TSNARE1: variants seen among roughly 807,000 people sequenced by gnomAD.
TSNARE1 encodes t-SNARE domain containing 1, also known as t-SNARE domain-containing protein 1.
Under a neutral mutation model 62.0 loss-of-function variants are expected in TSNARE1, and 49 were observed. That is an observed-to-expected ratio of 0.79 (90% confidence interval 0.63 to 1.00). The LOEUF (loss-of-function observed/expected upper bound fraction) is 1.00, where lower values mean the gene tolerates loss of function less well. Among genes scored for constraint, TSNARE1 ranks in the 50% least tolerant of loss-of-function variants. TSNARE1 has a pLI of 0.00. For synonymous variants in TSNARE1, 328 were observed against 294.4 expected, an observed-to-expected ratio of 1.11 and a Z score of -1.17; for missense variants, 755 against 700.1, an observed-to-expected ratio of 1.08 and a Z score of -0.88.
chr8:142,399,577 GACTGTC>G (rs1838140786), intron 1 of TSNARE1, among the ~76,000 whole-genome samples: 3 of 152,182 alleles, frequency 2.0e-5, no homozygotes, highest in Admixed American at 2.0e-4. Flanking sequence ...CTGAACAACT[GACTGTC>G]ACCTCTGGAG....
intron 3 of TSNARE1, 116 bp downstream of exon 3, chr8:142,345,627 C>A (rs1833249492): frequency 3.8e-6 from 5 of 1,299,518 alleles, no homozygotes; most frequent in Non-Finnish European, 5.2e-6. Flanking sequence ...GGTCCCTTGC[C>A]TCCTGGTCCC....
At chr8:142,248,092 G>C (rs183638963) in intron 12 of TSNARE1, among the ~76,000 whole-genome samples, 1 of 152,060 alleles carries the variant, frequency 6.6e-6, no homozygotes, top group Non-Finnish European at 1.5e-5. Flanking sequence ...CCCTCATGAC[G>C]GGGACCAAGG....
At position 142,291,514 on chromosome 8, in the gene TSNARE1, G is replaced by A. The variant is rs938731778; in HGVS notation, c.1291-7029C>T. Among the ~76,000 whole-genome samples, 32 of 143,436 alleles carry A rather than the reference G, an allele frequency of 2.2e-4. No individual in the cohort carries two copies. The highest frequency in any genetic ancestry group is 7.0e-4 in the African/African-American group (27 of 38,606). 94.1% of individuals were successfully genotyped at this position (143,436 alleles called of 152,430 possible). On this transcript the variant is annotated intron_variant, in intron 10 of 13. Transcript: ENST00000524325. The surrounding 1 kb of genome is among the most constrained non-coding windows in gnomAD (Gnocchi z 4.8). The stretch of plus-strand genomic sequence containing the variant: ...ATAGAAACACACTCACCCAGCCCCC[G>A]ACCCAGCCCTCCTCCACCCACCCCA...
intron 1 of TSNARE1, among the ~76,000 whole-genome samples, chr8:142,362,381 G>A (rs1220269078): frequency 1.3e-5 from 2 of 152,112 alleles, no homozygotes; most frequent in African/African-American, 2.4e-5. Context: ...GGACATTATC[G>A]GCCTCTTTAG....
At position 142,351,144 on chromosome 8, in the gene TSNARE1, A is replaced by G. The variant is rs11996278; in HGVS notation, c.88+3493T>C. On this transcript the variant is annotated intron_variant, in intron 2 of 13. Transcript: ENST00000524325. ...AGGGAAGCAGTTTGGGGGCACATGT[A>G]CCGCCACACTGGCCACGAGCAGTGA... Among the ~76,000 whole-genome samples the G allele has an allele frequency of 6.0e-3, 917 of 152,328 alleles. 10 individuals carry two copies. Among genetic ancestry groups the G allele is most frequent in the African/African-American group, 0.021 (860 of 41,570 alleles).
Position 142,342,238 on chromosome 8 carries a change from C to G in TSNARE1, c.745+1728G>C, listed in dbSNP as rs188771575. Among the ~76,000 whole-genome samples the G allele has an allele frequency of 1.6e-3, 241 of 152,380 alleles. 1 individual carries two copies. Among genetic ancestry groups the G allele is most frequent in the Admixed American group, 0.015 (226 of 15,308 alleles). ...GCAGCAAGGCCAAGTGACTCGGGGC[C>G]GGGACTGCCACTGCCTGCTACCTCA... On this transcript the variant is annotated intron_variant, in intron 4 of 13. Coordinates refer to ENST00000524325, the MANE Select transcript of TSNARE1 (RefSeq NM_145003.5).
chr8:142,381,860 C>A (rs551251036), intron 1 of TSNARE1, among the ~76,000 whole-genome samples: 3 of 152,294 alleles, frequency 2.0e-5, no homozygotes, highest in Non-Finnish European at 2.9e-5. Flanking sequence ...GAACAGGCAG[C>A]GCCCGCGGGT....
intron 4 of TSNARE1, among the ~76,000 whole-genome samples, chr8:142,336,511 G>A (rs1831781273): frequency 6.6e-6 from 1 of 152,084 alleles, no homozygotes; most frequent in Non-Finnish European, 1.5e-5. Context: ...ATGGTCAACT[G>A]ACTAAGATAA....
At chr8:142,294,132 G>A (rs1198615014) in intron 10 of TSNARE1, among the ~76,000 whole-genome samples, 1 of 152,074 alleles carries the variant, frequency 6.6e-6, no homozygotes, top group Non-Finnish European at 1.5e-5. Flanking sequence ...GGGACCCCCT[G>A]CGGACCTCAG....
chr8:142,274,262 C>T, intron 12 of TSNARE1: 1 of 985,448 alleles, frequency 1.0e-6, no homozygotes, highest in Non-Finnish European at 1.2e-6. Context: ...CCTGACCTGT[C>T]AGGTCTTCTT....
chr8:142,235,512 T>C (rs983137223), intron 12 of TSNARE1, among the ~76,000 whole-genome samples: 3 of 151,748 alleles, frequency 2.0e-5, no homozygotes, highest in Non-Finnish European at 4.4e-5. Flanking sequence ...CAGAAACATC[T>C]ATTTGTATAT....
intron 12 of TSNARE1, among the ~76,000 whole-genome samples, chr8:142,243,448 A>G (rs1817752895): frequency 6.6e-6 from 1 of 152,098 alleles, no homozygotes; most frequent in Non-Finnish European, 1.5e-5. Context: ...CATTCGTGAC[A>G]ACGTGGAGGC....
At chr8:142,244,980 C>T (rs552152535) in intron 12 of TSNARE1, among the ~76,000 whole-genome samples, 14 of 152,320 alleles carry the variant, frequency 9.2e-5, no homozygotes, top group African/African-American at 3.1e-4. Context: ...ACCATCATTA[C>T]GACGGAAAAA....
chr8:142,384,069 C>T (rs146140497), intron 1 of TSNARE1, among the ~76,000 whole-genome samples: 4 of 152,166 alleles, frequency 2.6e-5, no homozygotes, highest in African/African-American at 9.7e-5. Flanking sequence ...AGAACTCAAA[C>T]GCCTTTCTTT....
chr8:142,324,494 G>C (rs377381427), intron 6 of TSNARE1, among the ~76,000 whole-genome samples: 1 of 152,184 alleles, frequency 6.6e-6, no homozygotes, highest in Admixed American at 6.5e-5. Flanking sequence ...TTGCCCTAGC[G>C]CCCTGCCCTA....
In TSNARE1 at chr8:142,215,541, T is replaced by C. The variant is rs182931293; in HGVS notation, c.*12-3228A>G. Among the ~76,000 whole-genome samples, 13 of 151,904 alleles carry C rather than the reference T, an allele frequency of 8.6e-5. No individual in the cohort carries two copies. The East Asian group carries it at 2.5e-3, about 30-fold the overall frequency. On this transcript the variant is annotated intron_variant, in intron 13 of 13. Transcript: ENST00000524325. The stretch of plus-strand genomic sequence containing the variant: ...CACCCCTCAGCCTCCCCACACACAC[T>C]CTGTCCAAGCCAGGGCAGCAGGGCC...
At position 142,287,838 on chromosome 8, in the gene TSNARE1, G is replaced by C. The variant is rs562967923; in HGVS notation, c.1291-3353C>G. 2.0e-5 allele frequency among the ~76,000 whole-genome samples: 3 copies of C among 149,750 alleles called. No homozygotes were observed. In the East Asian group the frequency reaches 6.1e-4, roughly 30 times the overall value. On this transcript the variant is annotated intron_variant, in intron 10 of 13. Transcript: ENST00000524325. ...ACCCAGGACCCCAGCCAGATCTCAG[G>C]GACAGTGGGCCGCCCTCCAGGTCGT...
intron 12 of TSNARE1, chr8:142,270,195 G>A (rs1053943232): frequency 1.0e-6 from 1 of 985,220 alleles, no homozygotes; most frequent in African/African-American, 1.7e-5. Flanking sequence ...GCCGCGCAGG[G>A]ACTGGAGATG....
At chr8:142,378,746 G>A (rs890485057) in intron 1 of TSNARE1, among the ~76,000 whole-genome samples, 5 of 152,210 alleles carry the variant, frequency 3.3e-5, no homozygotes, top group Admixed American at 6.5e-5. Context: ...AGCTGCTCCT[G>A]GTGGGCCTCA....
Sources: gnomAD v4.1 joint callset for allele counts (sites outside exome capture counted in the v4.1 genomes callset) on GRCh38, gnomAD v4.1.1 for gene constraint, Gnocchi (gnomAD v3.1) non-coding constraint, MANE v1.5 for transcripts, NCBI Gene and HGNC (gene_info 2026-07-23, HGNC 2026-07-21) for gene names.